NEK5: variants seen among roughly 807,000 people sequenced by gnomAD.
The protein encoded by NEK5 is NIMA related kinase 5.
Under a neutral mutation model 109.2 loss-of-function variants are expected in NEK5, and 88 were observed. The ratio of observed to expected loss-of-function variants is 0.81; its 90% CI spans 0.68 to 0.96. The LOEUF is 0.96. NEK5 is among the 40% of genes least tolerant of loss of function. The pLI is 0.00. For missense variants in NEK5, 834 were observed against 920.7 expected (o/e 0.91, Z 1.22); for synonymous variants, 283 against 299.9 (o/e 0.94, Z 0.58).
intron 12 of NEK5, among the ~76,000 whole-genome samples, chr13:52,096,702 C>T (rs957518783): frequency 6.6e-6 from 1 of 152,122 alleles, no homozygotes; most frequent in African/African-American, 2.4e-5. Context: ...AAAAGAGAAG[C>T]AGAGTGTAAA....
chr13:52,081,960 C>G (rs1000408630), intron 17 of NEK5, among the ~76,000 whole-genome samples: 1 of 152,316 alleles, frequency 6.6e-6, no homozygotes, highest in African/African-American at 2.4e-5. Flanking sequence ...CTAGTTGACT[C>G]TGGACCAAGC....
chr13:52,084,095 G>T (rs1026528786), intron 16 of NEK5, among the ~76,000 whole-genome samples: 6 of 152,066 alleles, frequency 3.9e-5, no homozygotes, highest in African/African-American at 1.4e-4. Context: ...ATAAATACCC[G>T]CTACCTGCTC....
intron 23 of NEK5, among the ~76,000 whole-genome samples, chr13:52,037,447 A>C (rs1226206997): frequency 6.6e-6 from 1 of 152,126 alleles, no homozygotes; most frequent in East Asian, 1.9e-4. Context: ...CCATCATCTA[A>C]TGTTTAAGAG....
chr13:52,046,481 TAAA>T (rs201537093), intron 23 of NEK5, among the ~76,000 whole-genome samples: 4 of 135,314 alleles, frequency 3.0e-5, no homozygotes, highest in African/African-American at 2.8e-5. Flanking sequence ...CCTGTATGTT[TAAA>T]AAAAAAAAAA....
chr13:52,036,777 A>G lies in NEK5; in HGVS notation c.*171T>C. On this transcript the variant is annotated 3_prime_UTR_variant, in exon 24 of 24. Transcript: ENST00000684899. ...ATTTCTTAATAGAAACTTTAAAGTA[A>G]AAATATTAATGGCTATATTCAAAAG... 5.0e-6 allele frequency: 1 copy of G among 201,918 alleles called. No homozygotes were observed. Among genetic ancestry groups the G allele is most frequent in the Non-Finnish European group, 8.8e-6 (1 of 113,614 alleles). The allele number at this position is 201,918 out of a possible 1,614,324, so 12.5% of individuals were successfully genotyped here. A position where few individuals can be genotyped will look rare whatever the true frequency, so the allele number is the denominator to read the frequency against.
chr13:52,127,617 C>G lies in NEK5; in HGVS notation c.-45G>C. 4.8e-6 allele frequency: 3 copies of G among 630,968 alleles called. No homozygotes were observed. Among genetic ancestry groups the G allele is most frequent in the Non-Finnish European group, 8.5e-6 (3 of 352,720 alleles). 39.1% of individuals were successfully genotyped at this position (630,968 alleles called of 1,614,324 possible). A position where few individuals can be genotyped will look rare whatever the true frequency, so the allele number is the denominator to read the frequency against. ...CACTTAGCTAAAACTTTCCTCCCAGCCTTGCCAAGACAGAGACAAATAACT... is the reference window on the plus strand; with the variant it reads ...CACTTAGCTAAAACTTTCCTCCCAGGCTTGCCAAGACAGAGACAAATAACT... On this transcript the variant is annotated 5_prime_UTR_variant, in exon 2 of 24. Coordinates refer to ENST00000684899, the MANE Select transcript of NEK5 (RefSeq NM_001365552.1).
chr13:52,125,830 A>C (rs1472935211), intron 3 of NEK5, among the ~76,000 whole-genome samples: 2 of 152,136 alleles, frequency 1.3e-5, no homozygotes, highest in Non-Finnish European at 2.9e-5. Context: ...GAATAATGTC[A>C]TGGGAGGAAG....
intron 3 of NEK5, among the ~76,000 whole-genome samples, chr13:52,125,153 A>G (rs1329201126): frequency 6.6e-6 from 1 of 152,224 alleles, no homozygotes; most frequent in Non-Finnish European, 1.5e-5. Context: ...CGAGCCTCCA[A>G]GGTGGTCTCA....
chr13:52,117,624 C>T (rs1018789406), intron 4 of NEK5, among the ~76,000 whole-genome samples: 1 of 152,162 alleles, frequency 6.6e-6, no homozygotes, highest in Non-Finnish European at 1.5e-5. Context: ...TCCATTTGCT[C>T]ATTCAGTAAA....
At position 52,097,188 on chromosome 13, in the gene NEK5, G is replaced by T. The variant is rs569189630; in HGVS notation, c.1026+2555C>A. Among the ~76,000 whole-genome samples the T allele has an allele frequency of 2.0e-5, 3 of 152,298 alleles. 1 individual carries two copies. The Middle Eastern group carries it at 0.01, about 518-fold the overall frequency. Reference sequence around the variant, plus strand: ...TCCAGGCAGAAGCCTGTTTCAGGGGGACCCTCTACTAGGGCAGTGCAGAGG... The same window carrying T: ...TCCAGGCAGAAGCCTGTTTCAGGGGTACCCTCTACTAGGGCAGTGCAGAGG... On this transcript the variant is annotated intron_variant, in intron 12 of 23. Coordinates refer to ENST00000684899, the MANE Select transcript of NEK5 (RefSeq NM_001365552.1).
chr13:52,099,703 C>A (rs1217208363), intron 12 of NEK5, 40 bp downstream of exon 12: 25 of 1,599,606 alleles, frequency 1.6e-5, no homozygotes, highest in Non-Finnish European at 2.1e-5. Context: ...AAGCATATAC[C>A]ATAGCTAAAA....
chr13:52,099,017 T>C (rs1011481693), intron 12 of NEK5, among the ~76,000 whole-genome samples: 5 of 152,206 alleles, frequency 3.3e-5, no homozygotes, highest in African/African-American at 4.8e-5. Flanking sequence ...AGACTGCCTA[T>C]GGTCAATAGT....
chr13:52,093,035 A>G lies in NEK5; in HGVS notation c.1208+19T>C. On this transcript the variant is annotated intron_variant, in intron 13 of 23. Transcript: ENST00000684899. ...ATATTTTTAGATTAACCAAAGCTTA[A>G]GCTAGACCACAATATTACCATTGAC... 2.6e-6 allele frequency: 4 copies of G among 1,567,018 alleles called. No individual in the cohort carries two copies. Among genetic ancestry groups the G allele is most frequent in the Non-Finnish European group, 3.5e-6 (4 of 1,144,082 alleles).
chr13:52,051,498 A>C (rs948931070), intron 22 of NEK5, among the ~76,000 whole-genome samples: 3 of 152,104 alleles, frequency 2.0e-5, no homozygotes, highest in Non-Finnish European at 4.4e-5. Flanking sequence ...CTCAGATCTA[A>C]AGCTCTACTG....
At chr13:52,052,679 A>T (rs951110443) in intron 22 of NEK5, among the ~76,000 whole-genome samples, 3 of 152,220 alleles carry the variant, frequency 2.0e-5, no homozygotes, top group African/African-American at 7.2e-5. Context: ...CTTTGTAAAA[A>T]AAAAAGATTT....
At chr13:52,086,251 T>C (rs1213430440) in intron 16 of NEK5, 26 bp downstream of exon 16, 2 of 1,357,900 alleles carry the variant, frequency 1.5e-6, no homozygotes, top group Non-Finnish European at 2.1e-6. Context: ...GATAGAACAA[T>C]GTTTCCCCTA....
At chr13:52,040,532 T>C (rs185934736) in intron 23 of NEK5, among the ~76,000 whole-genome samples, 2 of 152,318 alleles carry the variant, frequency 1.3e-5, no homozygotes, top group East Asian at 3.9e-4. Flanking sequence ...AGGGACTATA[T>C]TTTTCTTATG....
At chr13:52,126,538 G>A (rs192290026) in intron 3 of NEK5, among the ~76,000 whole-genome samples, 1 of 152,308 alleles carries the variant, frequency 6.6e-6, no homozygotes, top group Admixed American at 6.5e-5. Context: ...AGCACTTTGG[G>A]AGGCCAAGGC....
intron 20 of NEK5, among the ~76,000 whole-genome samples, chr13:52,070,182 G>T (rs1485163334): frequency 1.3e-5 from 2 of 152,154 alleles, no homozygotes; most frequent in Admixed American, 6.5e-5. Flanking sequence ...GGAGAAAATG[G>T]GCATTCCAGC....
Sources: allele counts gnomAD v4.1 joint callset (sites outside exome capture counted in the v4.1 genomes callset), GRCh38; gene constraint gnomAD v4.1.1; transcripts MANE v1.5; gene names NCBI Gene and HGNC (gene_info 2026-07-23, HGNC 2026-07-21).